Variants in SH3D21 observed in about 807,000 individuals in gnomAD.
SH3D21 encodes the protein manchette microtubule inner protein 1.
Under a neutral mutation model 82.1 loss-of-function variants are expected in SH3D21, and 83 were observed. That is an observed-to-expected ratio of 1.01 (90% CI 0.85 to 1.21). SH3D21 has a LOEUF of 1.21. Ranked by LOEUF, SH3D21 falls within the 50% of genes most tolerant of loss-of-function variation. The pLI, the probability that SH3D21 is intolerant of heterozygous loss-of-function variation, is 0.00. For synonymous variants in SH3D21, 383 were observed against 387.8 expected, an observed-to-expected ratio of 0.99 and a Z score of 0.15; for missense variants, 980 against 962.1, an observed-to-expected ratio of 1.02 and a Z score of -0.25.
Position 36,307,538 on chromosome 1 carries a change from G to C in SH3D21, c.367G>C (p.Gly123Arg). Residue 123 changes from glycine (G) to arginine (R), a missense_variant, in exon 5 of 16, where the codon GGG becomes CGG. Coordinates refer to ENST00000453908, the MANE Select transcript of SH3D21 (RefSeq NM_001162530.2). The surrounding 1 kb of genome is among the most constrained non-coding windows in gnomAD (Gnocchi z 5.4). Reference sequence around the variant, plus strand: ...CCAGATTGAGGACGGCTGGTGGCTGGGGAAGAAGAACGGGCAGCTGGGAGC... The same window carrying C: ...CCAGATTGAGGACGGCTGGTGGCTGCGGAAGAAGAACGGGCAGCTGGGAGC... ...IKEIEDGWWL[G>R]KKNGQLGAFP... The C allele has an allele frequency of 6.4e-7, 1 of 1,551,682 alleles. No individual in the cohort carries two copies. Among genetic ancestry groups the C allele is most frequent in the Non-Finnish European group, 8.7e-7 (1 of 1,146,980 alleles).
chr1:36,309,399 G>C, intron 9 of SH3D21, 149 bp from the exon 10 acceptor site: 1 of 805,062 alleles, frequency 1.2e-6, no homozygotes, highest in South Asian at 2.1e-5. Context: ...ATTTTGCCAT[G>C]TTGGCCAAGC....
chr1:36,315,900 A>G (rs986348501), intron 10 of SH3D21, among the ~76,000 whole-genome samples: 1 of 152,214 alleles, frequency 6.6e-6, no homozygotes, highest in Non-Finnish European at 1.5e-5. Flanking sequence ...TTTATGTTGC[A>G]TTTCTTTTTC....
rs764519820 is a variant in SH3D21, at chr1:36,306,809, C to T, written c.163-33C>T. The T allele has an allele frequency of 7.7e-7, 1 of 1,293,570 alleles. No homozygotes were observed. The highest frequency in any genetic ancestry group is 1.2e-5 in the South Asian group (1 of 80,764). The allele number at this position is 1,293,570 out of a possible 1,614,324, so 80.1% of individuals were successfully genotyped here. A position where few individuals can be genotyped will look rare whatever the true frequency, so the allele number is the denominator to read the frequency against. On this transcript the variant is annotated intron_variant, in intron 2 of 15. Coordinates refer to ENST00000453908, the MANE Select transcript of SH3D21 (RefSeq NM_001162530.2). This position sits in a 1 kb window ranked among gnomAD's most constrained non-coding sequence, Gnocchi z 4.5. ...GGTCTCAGCGCGCGCCCCCCGGGAG[C>T]TGAGAGCGCCTTCCCCGTGCCCTGA...
At chr1:36,321,764 T>A, downstream of SH3D21, 1 of 1,002,402 alleles carries the variant, frequency 1.0e-6, no homozygotes, top group South Asian at 4.3e-5. This position sits in a 1 kb window ranked among gnomAD's most constrained non-coding sequence, Gnocchi z 6.1. Flanking sequence ...GCGACGTGTG[T>A]CCAGGCGTTT....
downstream of SH3D21, chr1:36,321,566 C>T (rs1288679014): frequency 4.2e-5 from 33 of 783,496 alleles, no homozygotes; most frequent in Non-Finnish European, 5.4e-5. The surrounding 1 kb of genome is among the most constrained non-coding windows in gnomAD (Gnocchi z 6.1). Flanking sequence ...AGCTGGCCTC[C>T]CTGTCCGCTC....
chr1:36,327,667 C>T (rs1646558948), downstream of SH3D21: 2 of 1,193,804 alleles, frequency 1.7e-6, no homozygotes, highest in Non-Finnish European at 1.1e-6. Flanking sequence ...ATGATGGTTG[C>T]TGGTTGCTTC....
At chr1:36,312,834 C>A (rs1002731913) in intron 10 of SH3D21, among the ~76,000 whole-genome samples, 1 of 152,184 alleles carries the variant, frequency 6.6e-6, no homozygotes, top group African/African-American at 2.4e-5. Flanking sequence ...CTGCAGCCTC[C>A]CAAGTAGCTG....
intron 10 of SH3D21, among the ~76,000 whole-genome samples, chr1:36,311,482 C>T (rs1191842795): frequency 3.3e-5 from 5 of 152,222 alleles, no homozygotes; most frequent in South Asian, 4.2e-4. Flanking sequence ...CCTCACGATC[C>T]GCCCGCCTTG....
At chr1:36,309,222 A>G (rs1646189811) in intron 9 of SH3D21, among the ~76,000 whole-genome samples, 1 of 150,074 alleles carries the variant, frequency 6.7e-6, no homozygotes, top group African/African-American at 2.5e-5. Context: ...TTGAAGACAG[A>G]GTCTCGCTCT....
chr1:36,312,250 C>T (rs1255789271), intron 10 of SH3D21, among the ~76,000 whole-genome samples: 1 of 151,006 alleles, frequency 6.6e-6, no homozygotes, highest in Non-Finnish European at 1.5e-5. Flanking sequence ...GTCTTGATCT[C>T]CTGACCTCAT....
chr1:36,323,142 C>T, downstream of SH3D21: 1 of 1,309,828 alleles, frequency 7.6e-7, no homozygotes, highest in Non-Finnish European at 1.0e-6. Flanking sequence ...CAGCTCCTCT[C>T]CCGGGAGCCG....
rs1183534705 is a variant in SH3D21, at chr1:36,320,801, G to C, written c.2135+3G>C. On this transcript the variant is annotated splice_donor_region_variant and intron_variant, in intron 14 of 15. Transcript: ENST00000453908. ...GAGCTGATGGAGGTGCAGCTGGAGT[G>C]AGTGGGCAGTGGCGGGGGTTGTGGA... 5 of 1,562,800 alleles carry C rather than the reference G, an allele frequency of 3.2e-6. No individual in the cohort carries two copies. Among genetic ancestry groups the C allele is most frequent in the Non-Finnish European group, 4.3e-6 (5 of 1,153,230 alleles).
chr1:36,314,788 AT>A (rs1646310796), intron 10 of SH3D21, among the ~76,000 whole-genome samples: 1 of 152,086 alleles, frequency 6.6e-6, no homozygotes, highest in South Asian at 2.1e-4. Context: ...AAAGTTTTAA[AT>A]TTTGATGAAG....
intron 10 of SH3D21, among the ~76,000 whole-genome samples, chr1:36,314,601 G>A (rs193292022): frequency 3.4e-4 from 52 of 151,660 alleles, no homozygotes; most frequent in Non-Finnish European, 6.3e-4. Context: ...GATGACAGGC[G>A]TGCGCCACCA....
rs957493419 is a variant in SH3D21 at position 36,306,745 on chromosome 1, G to T, written c.152G>T (p.Arg51Leu). The T allele has an allele frequency of 7.8e-7, 1 of 1,289,644 alleles. No homozygotes were observed. The highest frequency in any genetic ancestry group is 1.0e-6 in the Non-Finnish European group (1 of 986,798). The allele number at this position is 1,289,644 out of a possible 1,614,324, so 79.9% of individuals were successfully genotyped here. The change falls in exon 2 of 16, where the codon CGC becomes CTC. Residue 51 changes from arginine (R) to leucine (L), a missense_variant. Transcript: ENST00000453908. This position sits in a 1 kb window ranked among gnomAD's most constrained non-coding sequence, Gnocchi z 4.5. ...GGCCGCTATGGCCTCTTCCCCGAGC[G>T]CCTGGTGCAGGTGAGGCCGAGCCAG... Reference protein sequence around the residue: ...FGGRYGLFPERLVQEIPETLR... With the variant: ...FGGRYGLFPELLVQEIPETLR...
downstream of SH3D21, chr1:36,321,466 C>A: frequency 9.8e-7 from 1 of 1,025,104 alleles, no homozygotes; most frequent in Non-Finnish European, 1.2e-6. The surrounding 1 kb of genome is among the most constrained non-coding windows in gnomAD (Gnocchi z 6.1). Flanking sequence ...CAGGCGGGGT[C>A]GGGCTCTTGA....
At position 36,308,131 on chromosome 1, in the gene SH3D21, G is replaced by A; in HGVS notation, c.561G>A (p.Arg187=). The change falls in exon 8 of 16, where the codon AGG becomes AGA. Residue 187 remains arginine, a synonymous_variant. Coordinates refer to ENST00000453908, the MANE Select transcript of SH3D21 (RefSeq NM_001162530.2). ...CAGTCTCCCACCCTGAGGTCTACAG[G>A]GTCCTGTTTGACTACCAGCCTGAGG... ...LQTVSHPEVY[R]VLFDYQPEAP... 2 of 1,549,866 alleles carry A rather than the reference G, an allele frequency of 1.3e-6. No individual in the cohort carries two copies. Among genetic ancestry groups the A allele is most frequent in the Non-Finnish European group, 1.7e-6 (2 of 1,146,106 alleles).
intron 10 of SH3D21, among the ~76,000 whole-genome samples, chr1:36,311,241 T>C (rs922478651): frequency 5.3e-5 from 8 of 150,882 alleles, no homozygotes; most frequent in African/African-American, 2.0e-4. Flanking sequence ...TATTGTTTGT[T>C]TGTTTGTTTG....
At chr1:36,312,057 C>T (rs935577990) in intron 10 of SH3D21, among the ~76,000 whole-genome samples, 2 of 151,664 alleles carry the variant, frequency 1.3e-5, no homozygotes, top group Admixed American at 1.3e-4. Flanking sequence ...CAGAGTCTTG[C>T]TTTGTCACTC....
Sources: gnomAD v4.1 joint callset for allele counts (sites outside exome capture counted in the v4.1 genomes callset) on GRCh38, gnomAD v4.1.1 for gene constraint, Gnocchi (gnomAD v3.1) non-coding constraint, MANE v1.5 for transcripts, NCBI Gene and HGNC (gene_info 2026-07-23, HGNC 2026-07-21) for gene names.